SUN2: variants seen among roughly 807,000 people sequenced by gnomAD.
The protein encoded by SUN2 is SUN domain-containing protein 2.
In SUN2, 60 loss-of-function variants were observed where a neutral mutation model predicts 100.0. That is an observed-to-expected ratio of 0.60 (90% CI 0.49 to 0.74). The LOEUF is 0.74. Ranked by LOEUF, SUN2 falls within the 30% of genes least tolerant of loss-of-function variation. The pLI is 0.00. For synonymous variants in SUN2, 367 were observed against 403.3 expected (o/e 0.91, Z 1.08); for missense variants, 834 against 954.6 (o/e 0.87, Z 1.66).
In SUN2 at chr22:38,735,155, C is replaced by G. The variant is rs1326509191; in HGVS notation, c.*1112G>C. ...GCCTGCTGGCTCTAAAAGTCCCCTC[C>G]TCCCCCTTCCCTATCCAGGGTAACT... is the stretch of plus-strand genomic sequence containing the variant. On this transcript the variant is annotated 3_prime_UTR_variant, in exon 18 of 18. Coordinates refer to ENST00000689035, the MANE Select transcript of SUN2 (RefSeq NM_015374.3). The G allele has an allele frequency of 2.3e-6, 1 of 433,426 alleles. No individual in the cohort carries two copies. The highest frequency in any genetic ancestry group is 4.6e-6 in the Non-Finnish European group (1 of 218,336). The allele number at this position is 433,426 out of a possible 1,614,324, so 26.8% of individuals were successfully genotyped here.
Position 38,736,343 on chromosome 22 carries a change from C to T in SUN2, c.2078G>A (p.Arg693Gln), listed in dbSNP as rs137996727. The T allele has an allele frequency of 9.3e-6, 15 of 1,613,804 alleles. No homozygotes were observed. The highest frequency in any genetic ancestry group is 5.3e-5 in the African/African-American group (4 of 74,908). ...GGGGTGGCCCCAGTTAGTCAGGATC[C>T]GCAGCTCCACCACCTGGTACGTGGC... ...TMATYQVVEL[R>Q]ILTNWGHPEY... is the part of the protein sequence containing the mutation. Residue 693 changes from arginine to glutamine, a missense_variant, in exon 18 of 18, where the codon CGG becomes CAG. By Grantham distance (43) the Arg-to-Gln change is conservative. This residue lies in a region of SUN2 where 80 missense variants were observed against 76.7 expected (regional missense o/e 1.04). Coordinates refer to ENST00000689035, the MANE Select transcript of SUN2 (RefSeq NM_015374.3).
In SUN2 at chr22:38,738,350, G is replaced by C; in HGVS notation, c.1948-85C>G. On this transcript the variant is annotated intron_variant, in intron 16 of 17. Coordinates refer to ENST00000689035, the MANE Select transcript of SUN2 (RefSeq NM_015374.3). This position sits in a 1 kb window ranked among gnomAD's most constrained non-coding sequence, Gnocchi z 6.6. The stretch of plus-strand genomic sequence containing the variant: ...CTCCAATCCCTGCTCCTCCCACCCA[G>C]CAGGTCAGGCACCAGAGTGGCCTAT... 1 of 1,263,014 alleles carries C rather than the reference G, an allele frequency of 7.9e-7. No individual in the cohort carries two copies. Among genetic ancestry groups the C allele is most frequent in the Non-Finnish European group, 1.1e-6 (1 of 888,598 alleles). The allele number at this position is 1,263,014 out of a possible 1,614,324, so 78.2% of individuals were successfully genotyped here.
At position 38,737,944 on chromosome 22, in the gene SUN2, T is replaced by C. The variant is rs1478051174; in HGVS notation, c.2040+229A>G. The C allele has an allele frequency of 1.4e-6, 1 of 690,468 alleles. No homozygotes were observed. Among genetic ancestry groups the C allele is most frequent in the Admixed American group, 2.0e-5 (1 of 49,124 alleles). The allele number at this position is 690,468 out of a possible 1,614,324, so 42.8% of individuals were successfully genotyped here. ...TGTAAAGCCCACCTCCTGGTGTCCTTTTCCAGGAAGCTTCCCTCATGCTGC... is the reference window on the plus strand; with the variant it reads ...TGTAAAGCCCACCTCCTGGTGTCCTCTTCCAGGAAGCTTCCCTCATGCTGC... On this transcript the variant is annotated intron_variant, in intron 17 of 17. Coordinates refer to ENST00000689035, the MANE Select transcript of SUN2 (RefSeq NM_015374.3). The surrounding 1 kb of genome is among the most constrained non-coding windows in gnomAD (Gnocchi z 4.1).
In SUN2 at chr22:38,750,325, G is replaced by A. The variant is rs200936022; in HGVS notation, c.425-5C>T. On this transcript the variant is annotated splice_polypyrimidine_tract_variant and splice_region_variant and intron_variant, in intron 4 of 17. Coordinates refer to ENST00000689035, the MANE Select transcript of SUN2 (RefSeq NM_015374.3). ...GCTGGTCCACATCCGAGTAGCCTGC[G>A]GGGAACGAGGACACTGGCTCAGTCT... The A allele has an allele frequency of 6.2e-6, 10 of 1,613,838 alleles. No homozygotes were observed. The highest frequency in any genetic ancestry group is 3.3e-5 in the South Asian group (3 of 91,078).
Position 38,755,729 on chromosome 22 carries a change from C to A in SUN2, c.-38+34G>T, listed in dbSNP as rs1569309179. 1 of 984,970 alleles carries A rather than the reference C, an allele frequency of 1.0e-6. No individual in the cohort carries two copies. Among genetic ancestry groups the A allele is most frequent in the Non-Finnish European group, 1.2e-6 (1 of 829,804 alleles). 61.0% of individuals were successfully genotyped at this position (984,970 alleles called of 1,614,324 possible). A position where few individuals can be genotyped will look rare whatever the true frequency, so the allele number is the denominator to read the frequency against. Reference sequence around the variant, plus strand: ...ACCCGGGGTCAGGCCGGGCCGCGGCCCCCCAACCCTCTCCTGAGCTCGCCC... The same window carrying A: ...ACCCGGGGTCAGGCCGGGCCGCGGCACCCCAACCCTCTCCTGAGCTCGCCC... On this transcript the variant is annotated intron_variant, in intron 1 of 17. Coordinates refer to ENST00000689035, the MANE Select transcript of SUN2 (RefSeq NM_015374.3). The surrounding 1 kb of genome is among the most constrained non-coding windows in gnomAD (Gnocchi z 5.7).
At chr22:38,746,807 G>A (rs1247404607) in intron 7 of SUN2, among the ~76,000 whole-genome samples, 1 of 152,180 alleles carries the variant, frequency 6.6e-6, no homozygotes, top group Non-Finnish European at 1.5e-5. Context: ...CGAGGCGGGT[G>A]GATCACGAGG....
intron 4 of SUN2, 149 bp from the exon 5 acceptor site, chr22:38,750,469 G>C: frequency 6.9e-7 from 1 of 1,455,106 alleles, no homozygotes; most frequent in South Asian, 1.3e-5. Context: ...GAATGAAATG[G>C]GAGCTCTTTG....
chr22:38,748,674 ATC>A (rs749151173), intron 7 of SUN2, 37 bp downstream of exon 7: 6 of 1,613,000 alleles, frequency 3.7e-6, no homozygotes, highest in Non-Finnish European at 5.1e-6. Flanking sequence ...TGGTGAACAC[ATC>A]TCTGTGCCTC....
chr22:38,743,815 G>C (rs1416582268), intron 8 of SUN2: 1 of 152,136 alleles, frequency 6.6e-6, no homozygotes, highest in Non-Finnish European at 1.5e-5. Flanking sequence ...GTGAAAAAAG[G>C]AAAAGTCATA....
chr22:38,748,536 A>G (rs1733885798), intron 7 of SUN2, among the ~76,000 whole-genome samples, 177 bp downstream of exon 7: 1 of 152,174 alleles, frequency 6.6e-6, no homozygotes, highest in Non-Finnish European at 1.5e-5. Context: ...GCGGCACAAA[A>G]GAGGCTCAGG....
In SUN2 at chr22:38,738,401, C is replaced by A; in HGVS notation, c.1948-136G>T. On this transcript the variant is annotated intron_variant, in intron 16 of 17. Coordinates refer to ENST00000689035, the MANE Select transcript of SUN2 (RefSeq NM_015374.3). This position sits in a 1 kb window ranked among gnomAD's most constrained non-coding sequence, Gnocchi z 6.6. The stretch of plus-strand genomic sequence containing the variant: ...GACAAGTCACTTCACTCTCTTGTGC[C>A]ACAGTTTCTGCCTCCAAAGCCTAAG... 9.1e-7 allele frequency: 1 copy of A among 1,095,710 alleles called. No individual in the cohort carries two copies. The highest frequency in any genetic ancestry group is 1.5e-5 in the South Asian group (1 of 66,694). 67.9% of individuals were successfully genotyped at this position (1,095,710 alleles called of 1,614,324 possible).
Position 38,755,696 on chromosome 22 carries a change from C to T in SUN2, c.-38+67G>A. On this transcript the variant is annotated intron_variant, in intron 1 of 17. Transcript: ENST00000689035. The surrounding 1 kb of genome is among the most constrained non-coding windows in gnomAD (Gnocchi z 5.7). ...GCGGCGCGGCCCCGCCCGAGTGGCC[C>T]GACGGTGACCCGGGGTCAGGCCGGG... The T allele has an allele frequency of 1.0e-6, 1 of 982,544 alleles. No homozygotes were observed. Among genetic ancestry groups the T allele is most frequent in the South Asian group, 4.7e-5 (1 of 21,256 alleles). The allele number at this position is 982,544 out of a possible 1,614,324, so 60.9% of individuals were successfully genotyped here. A position where few individuals can be genotyped will look rare whatever the true frequency, so the allele number is the denominator to read the frequency against.
chr22:38,752,773 C>G, intron 1 of SUN2, 108 bp from the exon 2 acceptor site: 1 of 1,280,828 alleles, frequency 7.8e-7, no homozygotes. Context: ...AACAGACCAC[C>G]CCCCCGGCCC....
Position 38,738,762 on chromosome 22 carries a change from A to T in SUN2, c.1780-8T>A, listed in dbSNP as rs1451438791. The T allele has an allele frequency of 6.2e-7, 1 of 1,612,588 alleles. No individual in the cohort carries two copies. Among genetic ancestry groups the T allele is most frequent in the East Asian group, 2.2e-5 (1 of 44,824 alleles). The stretch of plus-strand genomic sequence containing the variant: ...GCCTGGGTGCACATCTGGCTGGAGG[A>T]GCAGAAAGTCATGTCAGGACAGGGC... On this transcript the variant is annotated splice_region_variant and splice_polypyrimidine_tract_variant and intron_variant, in intron 15 of 17. Coordinates refer to ENST00000689035, the MANE Select transcript of SUN2 (RefSeq NM_015374.3). The surrounding 1 kb of genome is among the most constrained non-coding windows in gnomAD (Gnocchi z 6.6).
chr22:38,748,073 T>C (rs1428034154), intron 7 of SUN2, among the ~76,000 whole-genome samples: 2 of 152,012 alleles, frequency 1.3e-5, no homozygotes, highest in Non-Finnish European at 2.9e-5. Context: ...CCCAGCACTT[T>C]GGGAGGCCGA....
chr22:38,740,494 A>G lies in SUN2; in HGVS notation c.1191-62T>C. The G allele has an allele frequency of 7.1e-7, 1 of 1,402,282 alleles. No homozygotes were observed. Among genetic ancestry groups the G allele is most frequent in the Non-Finnish European group, 9.3e-7 (1 of 1,070,582 alleles). The allele number at this position is 1,402,282 out of a possible 1,614,324, so 86.9% of individuals were successfully genotyped here. ...TTTGGTGGGAGGTAAGGCCACACCA[A>G]AGATGAAAGAGGACCCCCTAGTGGG... On this transcript the variant is annotated intron_variant, in intron 11 of 17. Transcript: ENST00000689035. The surrounding 1 kb of genome is among the most constrained non-coding windows in gnomAD (Gnocchi z 4.8).
rs571195798 is a variant in SUN2 at position 38,742,602 on chromosome 22, T to C, written c.814-47A>G. The C allele has an allele frequency of 9.6e-6, 15 of 1,567,030 alleles. 1 individual carries two copies. The Admixed American group carries it at 1.1e-4, about 11-fold the overall frequency. ...CACGGAGTGAGGGACCCTTGGATGA[T>C]AGTGCTTCCCAAAGACCACCCCGAC... On this transcript the variant is annotated intron_variant, in intron 8 of 17. Transcript: ENST00000689035.
chr22:38,739,961 G>A lies in SUN2; in HGVS notation c.1357-18C>T. 1 of 1,605,860 alleles carries A rather than the reference G, an allele frequency of 6.2e-7. No individual in the cohort carries two copies. Among genetic ancestry groups the A allele is most frequent in the Non-Finnish European group, 8.5e-7 (1 of 1,178,522 alleles). ...GATTCCACCTATAGGAACCCAAAGGGGTGTCACCCTGGGGGGCTTGCAGGG... is the reference window on the plus strand; with the variant it reads ...GATTCCACCTATAGGAACCCAAAGGAGTGTCACCCTGGGGGGCTTGCAGGG... On this transcript the variant is annotated intron_variant, in intron 12 of 17. Coordinates refer to ENST00000689035, the MANE Select transcript of SUN2 (RefSeq NM_015374.3). The surrounding 1 kb of genome is among the most constrained non-coding windows in gnomAD (Gnocchi z 6.7).
chr22:38,738,129 T>G lies in SUN2; in HGVS notation c.2040+44A>C. The G allele has an allele frequency of 6.4e-7, 1 of 1,573,842 alleles. No individual in the cohort carries two copies. The highest frequency in any genetic ancestry group is 8.7e-7 in the Non-Finnish European group (1 of 1,143,608). ...GCCCAGGGAGCACCTGCTGCCTGGA[T>G]GGGGAGTCTGCGCCACTTCTGCTAG... On this transcript the variant is annotated intron_variant, in intron 17 of 17. Coordinates refer to ENST00000689035, the MANE Select transcript of SUN2 (RefSeq NM_015374.3). This position sits in a 1 kb window ranked among gnomAD's most constrained non-coding sequence, Gnocchi z 6.6.
Sources: allele counts gnomAD v4.1 joint callset (sites outside exome capture counted in the v4.1 genomes callset), GRCh38; gene constraint gnomAD v4.1.1; regional missense constraint gnomAD v4.1.1; non-coding constraint Gnocchi (gnomAD v3.1); transcripts MANE v1.5; gene names NCBI Gene and HGNC (gene_info 2026-07-23, HGNC 2026-07-21).